The following MEI4 variants were observed in gnomAD, a reference collection of about 807,000 sequenced individuals.
MEI4 encodes meiotic double-stranded break formation protein 4, also known as meiosis-specific protein MEI4.
MEI4 carries 27 observed loss-of-function variants against 31.4 expected under a neutral mutation model. The ratio of observed to expected loss-of-function variants is 0.86; its 90% CI spans 0.63 to 1.19. The LOEUF (loss-of-function observed/expected upper bound fraction) is 1.19. Ranked by LOEUF, MEI4 falls within the 50% of genes most tolerant of loss-of-function variation. MEI4 has a pLI of 0.00. For synonymous variants in MEI4, 122 were observed against 145.4 expected (o/e 0.84, Z 1.16); for missense variants, 329 against 398.9 (o/e 0.82, Z 1.49).
At chr6:77,916,471 T>C (rs1766550395) in intron 4 of MEI4, among the ~76,000 whole-genome samples, 1 of 152,072 alleles carries the variant, frequency 6.6e-6, no homozygotes, top group South Asian at 2.1e-4. Flanking sequence ...TGTTGGTTAG[T>C]TTGGTTGATG....
intron 3 of MEI4, among the ~76,000 whole-genome samples, chr6:77,804,437 A>G (rs888557189): frequency 3.3e-5 from 5 of 152,136 alleles, no homozygotes; most frequent in Non-Finnish European, 7.3e-5. Context: ...TTTGGCTCAC[A>G]CTCAGTGCGC....
chr6:77,753,593 A>T (rs1369435191), intron 2 of MEI4, among the ~76,000 whole-genome samples: 2 of 152,238 alleles, frequency 1.3e-5, no homozygotes, highest in Non-Finnish European at 2.9e-5. Context: ...TTAAAAAGTC[A>T]GGAAACAGCA....
chr6:77,923,535 A>AAATC lies in MEI4; in HGVS notation c.*191_*194dup. 1 of 466,724 alleles carries AAATC rather than the reference A, an allele frequency of 2.1e-6. No homozygotes were observed. The highest frequency in any genetic ancestry group is 3.3e-6 in the Non-Finnish European group (1 of 301,226). The allele number at this position is 466,724 out of a possible 1,614,324, so 28.9% of individuals were successfully genotyped here. A position where few individuals can be genotyped will look rare whatever the true frequency, so the allele number is the denominator to read the frequency against. On this transcript the variant is annotated 3_prime_UTR_variant, in exon 5 of 5. Transcript: ENST00000684080. ...TTTTATGAGTCATATTTCTATACTA[A>AAATC]AATCAGCCAGTTTCGGTTGGTAATG...
chr6:77,761,241 C>G lies in MEI4; in HGVS notation c.344C>G (p.Ser115Ter). ...DLSNEQRTES[S>*]DLSQHFVESC... ...TCGAATGAGCAGAGAACTGAATCCTCAGACCTGTCCCAGCACTTTGTGGAA... is the reference window on the plus strand; with the variant it reads ...TCGAATGAGCAGAGAACTGAATCCTGAGACCTGTCCCAGCACTTTGTGGAA... Residue 115 changes from serine to a stop codon, truncating the protein, a stop_gained, in exon 3 of 5, where the codon TCA becomes TGA. Transcript: ENST00000684080. LOFTEE classifies it high-confidence loss of function. The G allele has an allele frequency of 8.1e-7, 1 of 1,232,548 alleles. No homozygotes were observed. Among genetic ancestry groups the G allele is most frequent in the Non-Finnish European group, 1.0e-6 (1 of 988,032 alleles). The allele number at this position is 1,232,548 out of a possible 1,614,324, so 76.4% of individuals were successfully genotyped here.
At chr6:77,740,053 A>G (rs1227654878) in intron 2 of MEI4, among the ~76,000 whole-genome samples, 1 of 152,160 alleles carries the variant, frequency 6.6e-6, no homozygotes, top group African/African-American at 2.4e-5. Flanking sequence ...TAATTGCATT[A>G]TTTACCCCAA....
At chr6:77,688,999 G>A (rs1248152326) in intron 1 of MEI4, among the ~76,000 whole-genome samples, 2 of 151,986 alleles carry the variant, frequency 1.3e-5, no homozygotes, top group Admixed American at 6.6e-5. Context: ...CCTTAGTGTA[G>A]TCAACAGCTG....
intron 3 of MEI4, among the ~76,000 whole-genome samples, chr6:77,790,806 G>A (rs1312297347): frequency 6.6e-6 from 1 of 151,872 alleles, no homozygotes; most frequent in African/African-American, 2.4e-5. Flanking sequence ...TGAAATATCT[G>A]TACATTATGA....
At chr6:77,899,931 GA>G (rs985331883) in intron 4 of MEI4, among the ~76,000 whole-genome samples, 68 of 142,752 alleles carry the variant, frequency 4.8e-4, no homozygotes, top group African/African-American at 1.4e-3. Flanking sequence ...GAAACTACCA[GA>G]AAAAAAAAAA....
At chr6:77,780,987 A>G (rs1582134846) in intron 3 of MEI4, among the ~76,000 whole-genome samples, 4 of 152,242 alleles carry the variant, frequency 2.6e-5, no homozygotes, top group Admixed American at 1.3e-4. Context: ...CCTGGGCTCA[A>G]GTGATCCTCT....
rs577984602 is a variant in MEI4 at position 77,791,606 on chromosome 6, C to T, written c.768+29941C>T. Among the ~76,000 whole-genome samples the T allele has an allele frequency of 8.0e-5, 12 of 149,396 alleles. No individual in the cohort carries two copies. The East Asian group carries it at 2.2e-3, about 27-fold the overall frequency. On this transcript the variant is annotated intron_variant, in intron 3 of 4. Coordinates refer to ENST00000684080, the MANE Select transcript of MEI4 (RefSeq NM_001322247.2). ...AGATGACGAGTTAGTGGGTGCAGCG[C>T]ACCAGCATGGCACATGTATACATAT...
At chr6:77,862,968 C>G (rs1488204376) in intron 4 of MEI4, among the ~76,000 whole-genome samples, 2 of 152,174 alleles carry the variant, frequency 1.3e-5, no homozygotes, top group Non-Finnish European at 2.9e-5. Flanking sequence ...CAAACAGGGT[C>G]TGGAGTGGAC....
chr6:77,668,076 T>G (rs1420720956), intron 1 of MEI4, among the ~76,000 whole-genome samples: 1 of 151,516 alleles, frequency 6.6e-6, no homozygotes, highest in Non-Finnish European at 1.5e-5. Flanking sequence ...AGGTTGAATT[T>G]GTCACTGATT....
At chr6:77,898,760 C>A (rs1766133105) in intron 4 of MEI4, among the ~76,000 whole-genome samples, 1 of 151,974 alleles carries the variant, frequency 6.6e-6, no homozygotes, top group African/African-American at 2.4e-5. Context: ...AATATACAGT[C>A]CCCTTTGTTA....
In MEI4 at chr6:77,925,130, C is replaced by T. The variant is rs1766814021; in HGVS notation, c.*1784C>T. ...AAATACACAAGTATCAGCAATGGCCCTTTCCCTATTGCAGCCAGCCAACGT... is the reference window on the plus strand; with the variant it reads ...AAATACACAAGTATCAGCAATGGCCTTTTCCCTATTGCAGCCAGCCAACGT... On this transcript the variant is annotated 3_prime_UTR_variant, in exon 5 of 5. Transcript: ENST00000684080. 6.6e-6 allele frequency: 1 copy of T among 151,806 alleles called. No individual in the cohort carries two copies. Among genetic ancestry groups the T allele is most frequent in the Non-Finnish European group, 1.5e-5 (1 of 67,880 alleles). 9.4% of individuals were successfully genotyped at this position (151,806 alleles called of 1,614,324 possible). A position where few individuals can be genotyped will look rare whatever the true frequency, so the allele number is the denominator to read the frequency against.
chr6:77,737,720 C>A (rs1398253696), intron 2 of MEI4, among the ~76,000 whole-genome samples: 1 of 151,962 alleles, frequency 6.6e-6, no homozygotes, highest in Non-Finnish European at 1.5e-5. Context: ...ATGCAAAGCC[C>A]CCAAAGGGGA....
At chr6:77,773,813 C>A (rs994318102) in intron 3 of MEI4, among the ~76,000 whole-genome samples, 5 of 151,972 alleles carry the variant, frequency 3.3e-5, no homozygotes, top group African/African-American at 4.8e-5. Flanking sequence ...TCAAATAACT[C>A]TGTAAGAAAA....
chr6:77,691,034 A>T (rs514178), intron 2 of MEI4, 131 bp downstream of exon 2: 87,169 of 432,066 alleles, frequency 0.2, 11,497 homozygotes, highest in African/African-American at 0.44. Flanking sequence ...TTCTAGCCTT[A>T]TACATTTTTT....
chr6:77,909,780 C>A (rs1436589670), intron 4 of MEI4, among the ~76,000 whole-genome samples: 2 of 152,154 alleles, frequency 1.3e-5, no homozygotes. Flanking sequence ...GACCAATATC[C>A]CTGATGAACA....
At chr6:77,778,036 TA>T (rs939290014) in intron 3 of MEI4, among the ~76,000 whole-genome samples, 21 of 151,644 alleles carry the variant, frequency 1.4e-4, no homozygotes, top group African/African-American at 4.8e-4. Flanking sequence ...CATAGTATTT[TA>T]CATGGCTTGG....
Sources: allele counts gnomAD v4.1 joint callset (sites outside exome capture counted in the v4.1 genomes callset), GRCh38; gene constraint gnomAD v4.1.1; transcripts MANE v1.5; gene names NCBI Gene and HGNC (gene_info 2026-07-23, HGNC 2026-07-21).